Variants in ATP7B observed in about 807,000 individuals in gnomAD.
ATP7B encodes the protein ATPase copper transporting beta.
A neutral mutation model predicts 118.9 loss-of-function variants in ATP7B; 113 were observed. That is an observed-to-expected ratio of 0.95 (90% CI 0.82 to 1.11). The LOEUF is 1.11. ATP7B is among the 50% of genes most tolerant of loss of function. The pLI, the probability that ATP7B is intolerant of heterozygous loss-of-function variation, is 0.00. For synonymous variants in ATP7B, 777 were observed against 727.4 expected (o/e 1.07, Z -1.10); for missense variants, 1,867 against 1,871.4 (o/e 1.00, Z 0.04).
At chr13:51,987,811 G>A (rs1055838578) in intron 1 of ATP7B, among the ~76,000 whole-genome samples, 2 of 151,896 alleles carry the variant, frequency 1.3e-5, no homozygotes, top group South Asian at 4.1e-4. Flanking sequence ...AATGGGGAAA[G>A]GATTCCCTAT....
chr13:51,967,071 A>C (rs1951588493), intron 4 of ATP7B: 1 of 1,604,014 alleles, frequency 6.2e-7, no homozygotes, highest in Admixed American at 1.7e-5. Flanking sequence ...TAACAAGAAA[A>C]TTGAAAGATG....
intron 14 of ATP7B, among the ~76,000 whole-genome samples, chr13:51,943,247 C>T (rs1566471756): frequency 6.6e-6 from 1 of 152,286 alleles, no homozygotes; most frequent in East Asian, 1.9e-4. Context: ...GACTGTGAGC[C>T]CCTCATCTCC....
intron 1 of ATP7B, among the ~76,000 whole-genome samples, chr13:51,993,104 T>G (rs7994928): frequency 0.41 from 62,704 of 151,808 alleles, 14,721 homozygotes; most frequent in East Asian, 0.53. Context: ...GATCCCATAT[T>G]TATTTTAAAA....
At position 51,975,003 on chromosome 13, in the gene ATP7B, C is replaced by T. The variant is rs1952035621; in HGVS notation, c.217G>A (p.Val73Met). The T allele has an allele frequency of 6.2e-7, 1 of 1,614,216 alleles. No individual in the cohort carries two copies. The highest frequency in any genetic ancestry group is 8.5e-7 in the Non-Finnish European group (1 of 1,180,050). ...GAAATCCTGTCCTCAATGGACTTCA[C>T]ACATGACTGGCAAGTCATGCCCAAG... Reference protein sequence around the residue: ...RILGMTCQSCVKSIEDRISNL... With the variant: ...RILGMTCQSCMKSIEDRISNL... The change falls in exon 2 of 21, where the codon GTG (valine) becomes ATG (methionine). Residue 73 changes from valine (V) to methionine (M), a missense_variant. Transcript: ENST00000242839.
chr13:52,008,197 G>C (rs1005868757), intron 1 of ATP7B, among the ~76,000 whole-genome samples: 3 of 152,136 alleles, frequency 2.0e-5, no homozygotes, highest in Non-Finnish European at 2.9e-5. Flanking sequence ...AAAATTAGCT[G>C]GGTGTGGTGG....
At chr13:51,940,423 G>A (rs113535567) in intron 16 of ATP7B, among the ~76,000 whole-genome samples, 53,664 of 149,976 alleles carry the variant, frequency 0.36, 11,241 homozygotes, top group Non-Finnish European at 0.47. Flanking sequence ...GGAGGCCAAG[G>A]CAAGCAGATC....
chr13:51,999,619 C>A (rs893908780), intron 1 of ATP7B, among the ~76,000 whole-genome samples: 1 of 152,220 alleles, frequency 6.6e-6, no homozygotes. Flanking sequence ...TTCGACTTCG[C>A]TGGCTGCCCT....
Position 51,950,170 on chromosome 13 carries a change from A to G in ATP7B, c.2576-9T>C. 7 of 1,614,180 alleles carry G rather than the reference A, an allele frequency of 4.3e-6. No individual in the cohort carries two copies. The highest frequency in any genetic ancestry group is 5.9e-6 in the Non-Finnish European group (7 of 1,180,026). The stretch of plus-strand genomic sequence containing the variant: ...GACTGGCATGGCTTCTCCTAGACGT[A>G]GGAAAGAGACAACTGTCACTTGCTC... On this transcript the variant is annotated splice_polypyrimidine_tract_variant and intron_variant, in intron 10 of 20. Transcript: ENST00000242839.
Position 51,938,888 on chromosome 13 carries a change from C to G in ATP7B, c.3699+163G>C, listed in dbSNP as rs780858078. Reference sequence around the variant, plus strand: ...TCTTCGCACAGCACCACAGTGCTCACGTGCAACACTACATGGCCACAGAAT... The same window carrying G: ...TCTTCGCACAGCACCACAGTGCTCAGGTGCAACACTACATGGCCACAGAAT... On this transcript the variant is annotated intron_variant, in intron 17 of 20. Transcript: ENST00000242839. Among the ~76,000 whole-genome samples the G allele has an allele frequency of 3.9e-5, 6 of 152,326 alleles. No homozygotes were observed. The East Asian group carries it at 9.6e-4, about 24-fold the overall frequency.
Position 51,968,342 on chromosome 13 carries a change from G to C in ATP7B, c.1707+102C>G, listed in dbSNP as rs1593765136. The C allele has an allele frequency of 1.0e-5, 16 of 1,539,262 alleles. No individual in the cohort carries two copies. The East Asian group carries it at 3.7e-4, about 35-fold the overall frequency. ...CAAAATACCCAACAACAACAAACCA[G>C]ACACGTCCAAGATGGGGAAATTTAC... On this transcript the variant is annotated intron_variant, in intron 4 of 20. Transcript: ENST00000242839.
rs938805500 is a variant in ATP7B, at chr13:51,947,326, T to C, written c.2866-848A>G. ...TCTAGGGATATGATTTGGAGGTATC[T>C]TTATTTTCTTCTCTGTATTTTTCAC... On this transcript the variant is annotated intron_variant, in intron 12 of 20. Coordinates refer to ENST00000242839, the MANE Select transcript of ATP7B (RefSeq NM_000053.4). Among the ~76,000 whole-genome samples, 5 of 152,238 alleles carry C rather than the reference T, an allele frequency of 3.3e-5. No homozygotes were observed. The East Asian group carries it at 9.6e-4, about 29-fold the overall frequency.
intron 1 of ATP7B, among the ~76,000 whole-genome samples, chr13:51,989,620 A>C (rs144165559): frequency 1.3e-5 from 2 of 152,358 alleles, no homozygotes; most frequent in Admixed American, 6.5e-5. Context: ...AATATACAAC[A>C]AAATGAAATT....
intron 5 of ATP7B, among the ~76,000 whole-genome samples, chr13:51,963,463 C>T (rs561884713): frequency 6.6e-6 from 1 of 152,066 alleles, no homozygotes; most frequent in South Asian, 2.1e-4. Flanking sequence ...GGGCTAGGCA[C>T]GGTGGCTCAT....
At chr13:51,967,528 ACC>A (rs1344786185) in intron 4 of ATP7B, among the ~76,000 whole-genome samples, 2 of 152,218 alleles carry the variant, frequency 1.3e-5, no homozygotes, top group African/African-American at 2.4e-5. Context: ...TGTGGGGCTG[ACC>A]AAAGCTGTGT....
chr13:52,003,814 G>A (rs1488732360), intron 1 of ATP7B, among the ~76,000 whole-genome samples: 1 of 152,206 alleles, frequency 6.6e-6, no homozygotes, highest in East Asian at 1.9e-4. Flanking sequence ...AAAAGGCCTG[G>A]TGTCACCAGA....
In ATP7B at chr13:51,974,067, C is replaced by G. The variant is rs772069735; in HGVS notation, c.1153G>C (p.Glu385Gln). Residue 385 changes from glutamate to glutamine, a missense_variant, in exon 2 of 21, where the codon GAA (glutamate) becomes CAA (glutamine). Glu to Gln is a conservative substitution (Grantham distance 29). Coordinates refer to ENST00000242839, the MANE Select transcript of ATP7B (RefSeq NM_000053.4). The stretch of plus-strand genomic sequence containing the variant: ...GACACCGATATTTGCTGCACCCCTT[C>G]CAGTTGGGAGATCATGCCTTCAATG... The part of the protein sequence containing the change: ...HSIEGMISQL[E>Q]GVQQISVSLA... 6.2e-7 allele frequency: 1 copy of G among 1,614,210 alleles called. No individual in the cohort carries two copies. The highest frequency in any genetic ancestry group is 8.5e-7 in the Non-Finnish European group (1 of 1,180,050).
intron 19 of ATP7B, among the ~76,000 whole-genome samples, chr13:51,936,195 T>C (rs568913913): frequency 5.9e-5 from 9 of 152,284 alleles, no homozygotes; most frequent in African/African-American, 2.2e-4. Flanking sequence ...GAGACAGGTA[T>C]GGTCAACTTT....
intron 1 of ATP7B, 72 bp from the exon 2 acceptor site, chr13:51,975,240 C>A: frequency 6.4e-7 from 1 of 1,570,070 alleles, no homozygotes; most frequent in Admixed American, 1.7e-5. Flanking sequence ...GCTTCTCTGG[C>A]ACTGAGAAAA....
chr13:51,941,047 G>C (rs1440508126), intron 16 of ATP7B, 34 bp downstream of exon 16: 1 of 1,612,892 alleles, frequency 6.2e-7, no homozygotes, highest in Admixed American at 1.7e-5. Flanking sequence ...CTGTATTTCT[G>C]AGAGAGCGGA....
Sources: allele counts gnomAD v4.1 joint callset (sites outside exome capture counted in the v4.1 genomes callset), GRCh38; gene constraint gnomAD v4.1.1; transcripts MANE v1.5; gene names NCBI Gene and HGNC (gene_info 2026-07-23, HGNC 2026-07-21).